The following RNF213 variants were observed in gnomAD, a reference collection of about 807,000 sequenced individuals.
The protein encoded by RNF213 is ring finger protein 213, also known as E3 ubiquitin-protein ligase RNF213.
In RNF213, 341 loss-of-function variants were observed where a neutral mutation model predicts 514.4. That is an observed-to-expected ratio of 0.66 (90% CI 0.61 to 0.73). RNF213 has a LOEUF of 0.73. Among genes scored for constraint, RNF213 ranks in the 30% least tolerant of loss-of-function variants. The pLI is 0.00. For synonymous variants in RNF213, 2,655 were observed against 2,658.2 expected, an observed-to-expected ratio of 1.00 and a Z score of 0.04; for missense variants, 5,767 against 6,615.6, an observed-to-expected ratio of 0.87 and a Z score of 4.45.
At chr17:80,385,316 G>A (rs1198462933) in intron 60 of RNF213, 145 bp downstream of exon 60, 9 of 1,095,160 alleles carry the variant, frequency 8.2e-6, no homozygotes, top group Non-Finnish European at 1.1e-5. Context: ...GGTGAAGGGT[G>A]CTTGAACCCC....
chr17:80,318,534 C>G (rs540009692), intron 16 of RNF213, among the ~76,000 whole-genome samples: 1 of 152,028 alleles, frequency 6.6e-6, no homozygotes, highest in African/African-American at 2.4e-5. Flanking sequence ...GCCTGAGGCT[C>G]AAGGAAAATT....
chr17:80,363,564 T>C, intron 40 of RNF213, 45 bp from the exon 41 acceptor site: 1 of 1,606,092 alleles, frequency 6.2e-7, no homozygotes, highest in Admixed American at 1.7e-5. Flanking sequence ...GGTGGGCCGG[T>C]GGGAGGGGCA....
Position 80,354,659 on chromosome 17 carries a change from G to A in RNF213, c.10862+83G>A, listed in dbSNP as rs879243692. On this transcript the variant is annotated intron_variant, in intron 36 of 67. Transcript: ENST00000582970. ...GCCTGCAGGGATCCTCTCTCCATCCGGGCCATGGGGACTGAGCTGTTTCTT... is the reference window on the plus strand; with the variant it reads ...GCCTGCAGGGATCCTCTCTCCATCCAGGCCATGGGGACTGAGCTGTTTCTT... 298 of 1,523,036 alleles carry A rather than the reference G, an allele frequency of 2.0e-4. 3 individuals are homozygous for A. The South Asian group carries it at 3.1e-3, about 16-fold the overall frequency. 94.3% of individuals were successfully genotyped at this position (1,523,036 alleles called of 1,614,324 possible).
At chr17:80,281,561 A>ACACACCACTCACACACCCC in intron 3 of RNF213, among the ~76,000 whole-genome samples, 1 of 51,830 alleles carries the variant, frequency 1.9e-5, no homozygotes, top group South Asian at 7.4e-4. Flanking sequence ...CCCCCAAGAC[A>ACACACCACTCACACACCCC]AACGCCCCAC....
chr17:80,283,622 C>T (rs2143129979), intron 3 of RNF213, among the ~76,000 whole-genome samples: 1 of 152,318 alleles, frequency 6.6e-6, no homozygotes, highest in Middle Eastern at 3.4e-3. Flanking sequence ...AAGGCAGGCC[C>T]TGGGGAGGGG....
At chr17:80,384,950 A>C (rs769815732) in intron 59 of RNF213, 89 bp from the exon 60 acceptor site, 34 of 1,353,704 alleles carry the variant, frequency 2.5e-5, no homozygotes, top group Non-Finnish European at 3.6e-5. Context: ...CTACAAATAC[A>C]AGTCTCGCAG....
At chr17:80,329,167 C>A (rs1165314156) in intron 20 of RNF213, among the ~76,000 whole-genome samples, 1 of 152,242 alleles carries the variant, frequency 6.6e-6, no homozygotes, top group Non-Finnish European at 1.5e-5. Flanking sequence ...AGACGTGGTT[C>A]CCACGCCCCC....
chr17:80,396,890 C>T lies in RNF213; in HGVS notation c.*3392C>T, dbSNP rs962125061. ...GGAAGCAGGAGAGACTGGAGGGGCC[C>T]TGGGTCCAGCAAGTGCTCCACCAGG... is the stretch of plus-strand genomic sequence containing the variant. On this transcript the variant is annotated 3_prime_UTR_variant, in exon 68 of 68. Transcript: ENST00000582970. 6.6e-6 allele frequency: 1 copy of T among 152,242 alleles called. No individual in the cohort carries two copies. The highest frequency in any genetic ancestry group is 2.4e-5 in the African/African-American group (1 of 41,392). The allele number at this position is 152,242 out of a possible 1,614,324, so 9.4% of individuals were successfully genotyped here.
chr17:80,374,716 T>C (rs368777469), intron 50 of RNF213, 127 bp downstream of exon 50: 11 of 1,178,084 alleles, frequency 9.3e-6, no homozygotes, highest in South Asian at 2.6e-5. Context: ...GACACTGTAT[T>C]GGAAGTCACG....
rs1432312069 is a variant in RNF213, at chr17:80,339,470, G to C, written c.5103G>C (p.Leu1701=). 1 of 1,537,246 alleles carries C rather than the reference G, an allele frequency of 6.5e-7. No individual in the cohort carries two copies. The highest frequency in any genetic ancestry group is 8.7e-7 in the Non-Finnish European group (1 of 1,146,906). ...AGAAGCGAATGGAGCACTTTTACCT[G>C]AACTTCTACACGGCAGAGCAGCTGG... ...VTQKRMEHFY[L]NFYTAEQLVY... Residue 1701 remains leucine, a synonymous_variant, in exon 26 of 68, where the codon CTG becomes CTC. Transcript: ENST00000582970.
intron 11 of RNF213, 102 bp downstream of exon 11, chr17:80,298,620 T>G: frequency 8.3e-7 from 1 of 1,209,004 alleles, no homozygotes; most frequent in Non-Finnish European, 1.2e-6. Flanking sequence ...CCATTCCTGA[T>G]TCTAATGACA....
Position 80,347,693 on chromosome 17 carries a change from T to C in RNF213, c.9358T>C (p.Tyr3120His), listed in dbSNP as rs1311837952. ...CCTCTACGACGCACTCAACCAGTAC[T>C]ACGTCCACCTCGGCGGCCAGAAGTA... ...ESLYDALNQYYVHLGGQKYVD... is the reference protein window; with the variant it reads ...ESLYDALNQYHVHLGGQKYVD... Residue 3120 changes from tyrosine (Y) to histidine (H), a missense_variant, in exon 29 of 68, where the codon TAC becomes CAC. Tyr to His is a moderately conservative substitution (Grantham distance 83, BLOSUM62 2). Around this residue, in one of 13 missense-constraint regions of RNF213, gnomAD observed 919 missense variants for 1,121.0 expected, o/e 0.82. Coordinates refer to ENST00000582970, the MANE Select transcript of RNF213 (RefSeq NM_001256071.3). The surrounding 1 kb of genome is among the most constrained non-coding windows in gnomAD (Gnocchi z 7.2). 4 of 1,614,000 alleles carry C rather than the reference T, an allele frequency of 2.5e-6. No homozygotes were observed. The highest frequency in any genetic ancestry group is 3.4e-6 in the Non-Finnish European group (4 of 1,179,904).
chr17:80,296,080 C>T (rs544105894), intron 10 of RNF213, among the ~76,000 whole-genome samples: 51 of 152,262 alleles, frequency 3.3e-4, no homozygotes, highest in Middle Eastern at 6.8e-3. Flanking sequence ...AGTACAGTGG[C>T]GCAATCTTGG....
chr17:80,290,217 T>TC (rs911209609), intron 6 of RNF213, among the ~76,000 whole-genome samples: 1 of 152,226 alleles, frequency 6.6e-6, no homozygotes, highest in Admixed American at 6.5e-5. Context: ...GGGTGGTGTG[T>TC]CACACGTGGA....
chr17:80,383,577 C>A, intron 58 of RNF213, 100 bp from the exon 59 acceptor site: 1 of 1,250,904 alleles, frequency 8.0e-7, no homozygotes, highest in Non-Finnish European at 1.2e-6. Context: ...GGACAAACGC[C>A]CTAATATGCA....
intron 52 of RNF213, 75 bp downstream of exon 52, chr17:80,376,618 C>T: frequency 6.3e-7 from 1 of 1,598,348 alleles, no homozygotes; most frequent in Non-Finnish European, 8.5e-7. Context: ...GACCGAGCTG[C>T]AGCTGTGGGA....
chr17:80,318,394 CA>C (rs1047961426), intron 16 of RNF213, among the ~76,000 whole-genome samples: 1 of 152,136 alleles, frequency 6.6e-6, no homozygotes, highest in African/African-American at 2.4e-5. Flanking sequence ...CTGCCTCCAT[CA>C]ATGGGGCCCC....
intron 17 of RNF213, among the ~76,000 whole-genome samples, chr17:80,324,184 G>A (rs1031464421): frequency 6.6e-6 from 1 of 152,138 alleles, no homozygotes; most frequent in Non-Finnish European, 1.5e-5. Flanking sequence ...TTAAGAGAAG[G>A]TTTCAGTCTT....
chr17:80,372,786 G>C (rs1239732827), intron 48 of RNF213, 52 bp downstream of exon 48: 5 of 1,563,192 alleles, frequency 3.2e-6, no homozygotes, highest in Admixed American at 1.7e-5. Context: ...CCGTTATTTA[G>C]AAATTCAGGA....
Sources: gnomAD v4.1 joint callset for allele counts (sites outside exome capture counted in the v4.1 genomes callset) on GRCh38, gnomAD v4.1.1 for gene constraint, gnomAD v4.1.1 regional missense constraint, Gnocchi (gnomAD v3.1) non-coding constraint, MANE v1.5 for transcripts, NCBI Gene and HGNC (gene_info 2026-07-23, HGNC 2026-07-21) for gene names.